Variants in SLC18A1 observed in about 807,000 individuals in gnomAD.
The protein encoded by SLC18A1 is chromaffin granule amine transporter.
SLC18A1 carries 69 observed loss-of-function variants against 53.7 expected under a neutral mutation model. The observed-to-expected ratio is 1.28, with a 90% CI of 1.06 to 1.57. The LOEUF is 1.57. Among genes scored for constraint, SLC18A1 ranks in the 40% most tolerant of loss-of-function variants. SLC18A1 has a pLI of 0.00. For missense variants in SLC18A1, 932 were observed against 668.1 expected, an observed-to-expected ratio of 1.40 and a Z score of -4.35; for synonymous variants, 320 against 248.1, an observed-to-expected ratio of 1.29 and a Z score of -2.72.
At chr8:20,157,760 A>G (rs187635056) in intron 10 of SLC18A1, among the ~76,000 whole-genome samples, 3 of 152,162 alleles carry the variant, frequency 2.0e-5, no homozygotes, top group Non-Finnish European at 4.4e-5. Context: ...TGGCAACCTC[A>G]GTTTTTTATA....
chr8:20,181,046 TA>T lies in SLC18A1; in HGVS notation c.-83del. 1 of 1,481,912 alleles carries T rather than the reference TA, an allele frequency of 6.7e-7. No individual in the cohort carries two copies. Among genetic ancestry groups the T allele is most frequent in the Non-Finnish European group, 9.0e-7 (1 of 1,105,258 alleles). 91.8% of individuals were successfully genotyped at this position (1,481,912 alleles called of 1,614,324 possible). A position where few individuals can be genotyped will look rare whatever the true frequency, so the allele number is the denominator to read the frequency against. The stretch of plus-strand genomic sequence containing the variant: ...ACAGCTACAGGTCTCCTGCAGCCTT[TA>T]TGGAAGAGGGGAGGGAGTCTGCCCA... On this transcript the variant is annotated 5_prime_UTR_variant, in exon 2 of 16. Coordinates refer to ENST00000276373, the MANE Select transcript of SLC18A1 (RefSeq NM_003053.4).
chr8:20,159,246 G>C lies in SLC18A1; in HGVS notation c.1015+5623C>G, dbSNP rs145793431. On this transcript the variant is annotated intron_variant, in intron 10 of 15. Coordinates refer to ENST00000276373, the MANE Select transcript of SLC18A1 (RefSeq NM_003053.4). ...GCCCCAGTTCGGCAGGAAGCAGTTA[G>C]AGCGGTCATCAGCCAACCTCCCCAA... Among the ~76,000 whole-genome samples, 1,298 of 152,232 alleles carry C rather than the reference G, an allele frequency of 8.5e-3. 15 individuals are homozygous for C. Among genetic ancestry groups the C allele is most frequent in the Middle Eastern group, 0.014 (4 of 294 alleles).
rs145191875 is a variant in SLC18A1, at chr8:20,165,105, A to C, written c.861T>G (p.Ser287Arg). Residue 287 changes from serine to arginine, a missense_variant and splice_region_variant, in exon 9 of 16, where the codon AGT (serine) becomes AGG (arginine). By Grantham distance (110) the Ser-to-Arg change is moderately radical (BLOSUM62 -1). Coordinates refer to ENST00000276373, the MANE Select transcript of SLC18A1 (RefSeq NM_003053.4). ...ILQPSKVSPE[S>R]AKGTPLFMLL... Reference sequence around the variant, plus strand: ...GCATAAAGAGGGGAGTCCCCTTGGCACTCTGAGAACATGGATAACAAAAAA... The same window carrying C: ...GCATAAAGAGGGGAGTCCCCTTGGCCCTCTGAGAACATGGATAACAAAAAA... 6.2e-7 allele frequency: 1 copy of C among 1,613,918 alleles called. No homozygotes were observed. The highest frequency in any genetic ancestry group is 1.1e-5 in the South Asian group (1 of 91,078).
chr8:20,157,845 G>A (rs779429751), intron 10 of SLC18A1, among the ~76,000 whole-genome samples: 8 of 152,150 alleles, frequency 5.3e-5, no homozygotes, highest in East Asian at 1.9e-4. Context: ...CATGTCCCTC[G>A]GCAAGTGGAC....
intron 10 of SLC18A1, chr8:20,151,056 C>T (rs771989708): frequency 4.1e-5 from 12 of 290,042 alleles, no homozygotes; most frequent in African/African-American, 6.4e-5. Context: ...ACTGCAGCCT[C>T]GACCTCCTGG....
chr8:20,178,193 T>G (rs369653307), intron 4 of SLC18A1, among the ~76,000 whole-genome samples: 3 of 152,010 alleles, frequency 2.0e-5, no homozygotes, highest in East Asian at 3.9e-4. Context: ...TATGTCCAGC[T>G]GAAGTGAAGT....
In SLC18A1 at chr8:20,173,056, C is replaced by A; in HGVS notation, c.704G>T (p.Gly235Val). ...RGRAMGTALGGLALGLLVGAP... is the reference protein window; with the variant it reads ...RGRAMGTALGVLALGLLVGAP... ...CTTACCCAGCAACCCCAAGGCCAGG[C>A]CCCCCAGAGCAGTTCCCATGGCTCG... The change falls in exon 6 of 16, where the codon GGC becomes GTC. Residue 235 changes from glycine to valine, a missense_variant. Coordinates refer to ENST00000276373, the MANE Select transcript of SLC18A1 (RefSeq NM_003053.4). 7 of 1,588,908 alleles carry A rather than the reference C, an allele frequency of 4.4e-6. No individual in the cohort carries two copies. Among genetic ancestry groups the A allele is most frequent in the South Asian group, 1.1e-5 (1 of 87,062 alleles).
chr8:20,174,360 C>T lies in SLC18A1; in HGVS notation c.631+1G>A, dbSNP rs764978042. The T allele has an allele frequency of 1.7e-5, 28 of 1,610,848 alleles. No individual in the cohort carries two copies. Among genetic ancestry groups the T allele is most frequent in the Non-Finnish European group, 2.4e-5 (28 of 1,177,166 alleles). On this transcript the variant is annotated splice_donor_variant, in intron 5 of 15. Coordinates refer to ENST00000276373, the MANE Select transcript of SLC18A1 (RefSeq NM_003053.4). LOFTEE classifies it high-confidence loss of function. ...TGTGCATGATGAGTTGCCAGTGTTA[C>T]CTGCAACAGATGAAAATGAAGATCC...
chr8:20,173,733 A>C (rs1473084557), intron 5 of SLC18A1, among the ~76,000 whole-genome samples: 2 of 152,218 alleles, frequency 1.3e-5, no homozygotes, highest in Non-Finnish European at 2.9e-5. Context: ...AGAGGGGGAC[A>C]GAAAAAGGAC....
At chr8:20,149,472 G>A (rs1047449548) in intron 12 of SLC18A1, among the ~76,000 whole-genome samples, 9 of 151,878 alleles carry the variant, frequency 5.9e-5, no homozygotes, top group South Asian at 2.1e-4. Flanking sequence ...CTCTTCCCCC[G>A]TGCTAAATTC....
intron 5 of SLC18A1, among the ~76,000 whole-genome samples, chr8:20,173,618 A>G (rs2072181875): frequency 6.6e-6 from 1 of 152,220 alleles, no homozygotes; most frequent in Non-Finnish European, 1.5e-5. Context: ...AATGGCATAA[A>G]ATGCCAACTT....
At position 20,146,888 on chromosome 8, in the gene SLC18A1, G is replaced by A. The variant is rs543134051; in HGVS notation, c.1464+370C>T. On this transcript the variant is annotated intron_variant, in intron 15 of 15. Transcript: ENST00000276373. ...CACTAGAGTGAATGAGTGGATGAACGGATGTGCCAATGGAATTCTGCCCAC... is the reference window on the plus strand; with the variant it reads ...CACTAGAGTGAATGAGTGGATGAACAGATGTGCCAATGGAATTCTGCCCAC... 7.0e-4 allele frequency among the ~76,000 whole-genome samples: 106 copies of A among 151,716 alleles called. 1 individual carries two copies. The highest frequency in any genetic ancestry group is 2.4e-3 in the African/African-American group (98 of 41,314).
rs73608319 is a variant in SLC18A1 at position 20,163,995 on chromosome 8, A to G, written c.1015+874T>C. On this transcript the variant is annotated intron_variant, in intron 10 of 15. Transcript: ENST00000276373. Reference sequence around the variant, plus strand: ...ATACCGACTAACTCAATTAATCGTCATGGTCAAAAGCACTTGCAACCCATA... The same window carrying G: ...ATACCGACTAACTCAATTAATCGTCGTGGTCAAAAGCACTTGCAACCCATA... Among the ~76,000 whole-genome samples, 199 of 152,322 alleles carry G rather than the reference A, an allele frequency of 1.3e-3. 2 individuals carry two copies. Among genetic ancestry groups the G allele is most frequent in the African/African-American group, 4.6e-3 (190 of 41,568 alleles).
At chr8:20,156,158 G>T (rs1166465818) in intron 10 of SLC18A1, among the ~76,000 whole-genome samples, 1 of 152,038 alleles carries the variant, frequency 6.6e-6, no homozygotes, top group East Asian at 1.9e-4. Context: ...CATTCAATCT[G>T]TAGTGGCAAC....
At chr8:20,176,783 G>A (rs1323704406) in intron 4 of SLC18A1, among the ~76,000 whole-genome samples, 1 of 152,074 alleles carries the variant, frequency 6.6e-6, no homozygotes, top group African/African-American at 2.4e-5. Context: ...AACATATATA[G>A]TTTGGTATAA....
chr8:20,161,609 C>T (rs75054127), intron 10 of SLC18A1, among the ~76,000 whole-genome samples: 5,001 of 152,184 alleles, frequency 0.033, 297 homozygotes, highest in African/African-American at 0.11. Context: ...GGATAATTTA[C>T]CTACTTTCAA....
At chr8:20,180,753 G>A in intron 2 of SLC18A1, 88 bp downstream of exon 2, 3 of 1,511,076 alleles carry the variant, frequency 2.0e-6, no homozygotes, top group South Asian at 1.2e-5. Context: ...ATTCTCAGAT[G>A]GATTCACTGT....
chr8:20,174,721 C>A (rs976150093), intron 4 of SLC18A1, among the ~76,000 whole-genome samples: 2 of 152,132 alleles, frequency 1.3e-5, no homozygotes, highest in Non-Finnish European at 2.9e-5. Context: ...TTGCCAAGAA[C>A]CCAACATTCT....
At position 20,159,359 on chromosome 8, in the gene SLC18A1, C is replaced by G. The variant is rs549580630; in HGVS notation, c.1015+5510G>C. 2.7e-4 allele frequency among the ~76,000 whole-genome samples: 41 copies of G among 152,230 alleles called. 1 individual carries two copies. The South Asian group carries it at 6.6e-3, about 25-fold the overall frequency. On this transcript the variant is annotated intron_variant, in intron 10 of 15. Transcript: ENST00000276373. The stretch of plus-strand genomic sequence containing the variant: ...GCCAATTAAGAATTCCTAAGCCTAG[C>G]TGGGGAAGGTGACCACACCCACCTT...
Sources: gnomAD v4.1 joint callset for allele counts (sites outside exome capture counted in the v4.1 genomes callset) on GRCh38, gnomAD v4.1.1 for gene constraint, MANE v1.5 for transcripts, NCBI Gene and HGNC (gene_info 2026-07-23, HGNC 2026-07-21) for gene names.